The following PPM1B variants were observed in gnomAD, a reference collection of about 807,000 sequenced individuals.
PPM1B encodes protein phosphatase 1B.
PPM1B carries 22 observed loss-of-function variants against 43.0 expected under a neutral mutation model. The ratio of observed to expected loss-of-function variants is 0.51; its 90% CI spans 0.37 to 0.73. The LOEUF is 0.73. Among genes scored for constraint, PPM1B ranks in the 30% least tolerant of loss-of-function variants. The pLI is 0.00. For synonymous variants in PPM1B, 217 were observed against 197.9 expected (o/e 1.10, Z -0.81); for missense variants, 632 against 584.2 (o/e 1.08, Z -0.84).
intron 3 of PPM1B, among the ~76,000 whole-genome samples, chr2:44,217,414 A>G (rs185933951): frequency 3.3e-5 from 5 of 151,748 alleles, no homozygotes; most frequent in African/African-American, 4.8e-5. Flanking sequence ...AAAAAAAAAA[A>G]GCTGTAGAAT....
chr2:44,235,146 CTTAG>C (rs1023294240), downstream of PPM1B, among the ~76,000 whole-genome samples: 13 of 152,256 alleles, frequency 8.5e-5, no homozygotes, highest in Admixed American at 1.3e-4. Context: ...GAGGACTTTT[CTTAG>C]TTTGTTATGT....
rs560809324 is a variant in PPM1B, at chr2:44,219,857, C to T, written c.1134+1320C>T. The stretch of plus-strand genomic sequence containing the variant: ...ACTCGGGAGGCTGAGGCAGGAGAAT[C>T]GCTTGAACCCGGGAGGCGGAGGTTG... On this transcript the variant is annotated intron_variant, in intron 5 of 5. Transcript: ENST00000282412. 1.4e-4 allele frequency among the ~76,000 whole-genome samples: 21 copies of T among 151,592 alleles called. No individual in the cohort carries two copies. In the South Asian group the frequency reaches 4.4e-3, roughly 32 times the overall value.
intron 1 of PPM1B, among the ~76,000 whole-genome samples, chr2:44,199,588 G>C (rs1486133379): frequency 6.6e-6 from 1 of 152,124 alleles, no homozygotes; most frequent in African/African-American, 2.4e-5. Flanking sequence ...ATACAAGCAA[G>C]CATATAAAAA....
At chr2:44,236,088 T>G (rs1229603664), downstream of PPM1B, among the ~76,000 whole-genome samples, 1 of 151,472 alleles carries the variant, frequency 6.6e-6, no homozygotes, top group African/African-American at 2.4e-5. Flanking sequence ...GGAGTTGCAT[T>G]GTCATTGAAA....
chr2:44,219,006 T>A (rs1457222308), intron 5 of PPM1B: 1 of 385,566 alleles, frequency 2.6e-6, no homozygotes, highest in Non-Finnish European at 5.0e-6. Flanking sequence ...TCTAATATTA[T>A]TGTTGTATTA....
intron 2 of PPM1B, 138 bp from the exon 3 acceptor site, chr2:44,209,072 C>A (rs1216096870): frequency 1.3e-6 from 1 of 741,222 alleles, no homozygotes; most frequent in Non-Finnish European, 2.0e-6. Flanking sequence ...TTTAGTAATT[C>A]ATTGGAATAA....
intron 5 of PPM1B, among the ~76,000 whole-genome samples, chr2:44,241,239 G>A (rs1380294963): frequency 1.4e-5 from 2 of 142,132 alleles, no homozygotes; most frequent in African/African-American, 5.0e-5. Context: ...CCGACCTCAG[G>A]TGATCCGCCC....
chr2:44,242,276 A>T (rs918776914), intron 5 of PPM1B, among the ~76,000 whole-genome samples: 3 of 152,198 alleles, frequency 2.0e-5, no homozygotes, highest in African/African-American at 7.2e-5. Flanking sequence ...ATGAAATATG[A>T]TAGGTACAAT....
chr2:44,177,915 C>A (rs867350512), intron 1 of PPM1B, among the ~76,000 whole-genome samples: 3 of 106,268 alleles, frequency 2.8e-5, no homozygotes, highest in African/African-American at 1.0e-4. Context: ...TAGAACAGTT[C>A]TTTTTTTTTT....
At chr2:44,240,394 A>C (rs1044320500) in intron 5 of PPM1B, among the ~76,000 whole-genome samples, 1 of 145,856 alleles carries the variant, frequency 6.9e-6, no homozygotes, top group Non-Finnish European at 1.5e-5. Context: ...CAGGATTAGT[A>C]ACTATACCAT....
At chr2:44,197,446 T>C (rs1374192375) in intron 1 of PPM1B, among the ~76,000 whole-genome samples, 1 of 152,158 alleles carries the variant, frequency 6.6e-6, no homozygotes, top group Admixed American at 6.5e-5. Context: ...GCATTTACTG[T>C]AGTGCGTTTA....
intron 1 of PPM1B, among the ~76,000 whole-genome samples, chr2:44,171,915 A>G (rs1432004805): frequency 6.6e-6 from 1 of 151,976 alleles, no homozygotes; most frequent in African/African-American, 2.4e-5. Context: ...ATTACCTAGC[A>G]TAGAAAGTAG....
intron 1 of PPM1B, among the ~76,000 whole-genome samples, chr2:44,169,986 A>G (rs2103977088): frequency 6.6e-6 from 1 of 152,354 alleles, no homozygotes. Flanking sequence ...TCAGTTTTTC[A>G]TAGTTTAAGC....
At chr2:44,191,986 A>G (rs1259216518) in intron 1 of PPM1B, among the ~76,000 whole-genome samples, 3 of 151,304 alleles carry the variant, frequency 2.0e-5, no homozygotes, top group African/African-American at 7.3e-5. Flanking sequence ...TCTTTCTCTA[A>G]TAGCTGTTAG....
chr2:44,179,281 A>T (rs1255534543), intron 1 of PPM1B, among the ~76,000 whole-genome samples: 3 of 152,234 alleles, frequency 2.0e-5, no homozygotes, highest in Non-Finnish European at 2.9e-5. Context: ...TGTAAATTGC[A>T]CAGTCTTGGG....
At chr2:44,169,457 C>T (rs1161201949) in intron 1 of PPM1B, among the ~76,000 whole-genome samples, 183 bp downstream of exon 1, 2 of 152,234 alleles carry the variant, frequency 1.3e-5, no homozygotes, top group East Asian at 1.9e-4. Flanking sequence ...GCCTGGCTCT[C>T]GGGTATAGGC....
chr2:44,204,701 T>C (rs1324116586), intron 2 of PPM1B, among the ~76,000 whole-genome samples: 1 of 151,354 alleles, frequency 6.6e-6, no homozygotes, highest in East Asian at 1.9e-4. Context: ...TATTAAAAAA[T>C]AGAAAAAATC....
At chr2:44,226,639 G>A (rs987051257) in intron 5 of PPM1B, among the ~76,000 whole-genome samples, 1 of 151,712 alleles carries the variant, frequency 6.6e-6, no homozygotes, top group Admixed American at 6.6e-5. Context: ...TTCCAATGTG[G>A]AGCAAGGGTT....
intron 1 of PPM1B, among the ~76,000 whole-genome samples, chr2:44,177,199 A>T (rs986870844): frequency 6.6e-6 from 1 of 152,224 alleles, no homozygotes; most frequent in East Asian, 1.9e-4. Context: ...CAGATTCATT[A>T]AGTTGTTCAA....
Sources: allele counts gnomAD v4.1 joint callset (sites outside exome capture counted in the v4.1 genomes callset), GRCh38; gene constraint gnomAD v4.1.1; transcripts MANE v1.5; gene names NCBI Gene and HGNC (gene_info 2026-07-23, HGNC 2026-07-21).